Variants in ANXA2 observed in about 807,000 individuals in gnomAD.
The protein encoded by ANXA2 is annexin II.
Under a neutral mutation model 47.3 loss-of-function variants are expected in ANXA2, and 28 were observed. The ratio of observed to expected loss-of-function variants is 0.59; its 90% CI spans 0.44 to 0.81. The LOEUF is 0.81. ANXA2 is among the 40% of genes least tolerant of loss of function. The probability of loss-of-function intolerance (pLI) is 0.00; values close to 1 mark genes in which losing one functional copy is unlikely to be tolerated. For missense variants in ANXA2, 384 were observed against 414.3 expected (o/e 0.93, Z 0.64); for synonymous variants, 172 against 155.5 (o/e 1.11, Z -0.79).
intron 6 of ANXA2, among the ~76,000 whole-genome samples, chr15:60,356,314 G>C (rs2062428763): frequency 6.6e-6 from 1 of 151,838 alleles, no homozygotes; most frequent in Admixed American, 6.6e-5. Context: ...GTGAGTACTT[G>C]TTCTGAACAT....
chr15:60,377,639 A>G (rs1338355089), intron 3 of ANXA2, among the ~76,000 whole-genome samples: 1 of 152,236 alleles, frequency 6.6e-6, no homozygotes, highest in African/African-American at 2.4e-5. Context: ...TTTTATTTCT[A>G]AAAAATGCTG....
intron 1 of ANXA2, among the ~76,000 whole-genome samples, chr15:60,388,929 T>A (rs2062970331): frequency 6.7e-6 from 1 of 148,206 alleles, no homozygotes; most frequent in South Asian, 2.2e-4. Context: ...GTAGAGATAA[T>A]GTCGCGTTAC....
chr15:60,354,711 G>C (rs964142815), intron 7 of ANXA2, among the ~76,000 whole-genome samples: 1 of 151,922 alleles, frequency 6.6e-6, no homozygotes, highest in African/African-American at 2.4e-5. Context: ...CAAGGAAGTG[G>C]GGGCTGTGCC....
At chr15:60,386,655 C>T (rs1279638880) in intron 1 of ANXA2, 1 of 152,306 alleles carries the variant, frequency 6.6e-6, no homozygotes, top group East Asian at 1.9e-4. Context: ...GATTTTCTGA[C>T]CTTAACTCAT....
rs186134851 is a variant in ANXA2 at position 60,352,088 on chromosome 15, C to T, written c.683-269G>A. Among the ~76,000 whole-genome samples, 2 of 152,234 alleles carry T rather than the reference C, an allele frequency of 1.3e-5. No homozygotes were observed. The highest frequency in any genetic ancestry group is 3.9e-4 in the East Asian group (2 of 5,182). On this transcript the variant is annotated intron_variant, in intron 9 of 12. Transcript: ENST00000451270. The surrounding 1 kb of genome is among the most constrained non-coding windows in gnomAD (Gnocchi z 4.2). ...GAGTGGAACCCATTCCATCCGAAAA[C>T]CATAGGAAACAGTACAGAGCATGCA... is the stretch of plus-strand genomic sequence containing the variant.
At chr15:60,388,736 T>G (rs931229293) in intron 1 of ANXA2, among the ~76,000 whole-genome samples, 1 of 134,662 alleles carries the variant, frequency 7.4e-6, no homozygotes, top group South Asian at 2.4e-4. Context: ...CACCTAGACC[T>G]TTTTTTTTTT....
At chr15:60,359,807 A>ATGGT (rs144846285) in intron 5 of ANXA2, among the ~76,000 whole-genome samples, 2,191 of 152,244 alleles carry the variant, frequency 0.014, 24 homozygotes, top group Middle Eastern at 0.037. Flanking sequence ...ATCAAGACCA[A>ATGGT]TGGTTTCCCT....
At chr15:60,369,565 G>C (rs2062685106) in intron 3 of ANXA2, among the ~76,000 whole-genome samples, 1 of 152,222 alleles carries the variant, frequency 6.6e-6, no homozygotes, top group Non-Finnish European at 1.5e-5. Context: ...CAAAGTCTGT[G>C]TTTGGGTCAG....
intron 3 of ANXA2, among the ~76,000 whole-genome samples, chr15:60,366,705 G>A (rs1344803778): frequency 1.3e-4 from 15 of 118,746 alleles, no homozygotes; most frequent in Admixed American, 2.5e-4. Flanking sequence ...CCGGCCAGCC[G>A]CCCCGTCCGG....
At chr15:60,374,436 G>A in intron 3 of ANXA2, 1 of 455,684 alleles carries the variant, frequency 2.2e-6, no homozygotes, top group Non-Finnish European at 4.4e-6. Flanking sequence ...AACCAACGCA[G>A]CCACCCTTAA....
At chr15:60,377,615 A>G (rs557991209) in intron 3 of ANXA2, among the ~76,000 whole-genome samples, 3 of 152,290 alleles carry the variant, frequency 2.0e-5, no homozygotes, top group Non-Finnish European at 4.4e-5. Context: ...CACATAACTA[A>G]ATTTAAAAAA....
chr15:60,395,528 T>C (rs1311344649), intron 1 of ANXA2: 2 of 152,152 alleles, frequency 1.3e-5, no homozygotes, highest in Non-Finnish European at 2.9e-5. Context: ...CCCAGTGGTG[T>C]AGGAAGAGCC....
intron 5 of ANXA2, among the ~76,000 whole-genome samples, chr15:60,360,075 G>A (rs916026694): frequency 6.6e-6 from 1 of 152,170 alleles, no homozygotes; most frequent in Admixed American, 6.5e-5. Context: ...TGACCAACAT[G>A]GAGAAATCCC....
Position 60,368,812 on chromosome 15 carries a change from A to G in ANXA2, c.149-4289T>C, listed in dbSNP as rs190238921. ...GGCAGTCATTGCTCCAGAATCGACT[A>G]GTGACTTCACTTCAAGAGAGTCCCT... On this transcript the variant is annotated intron_variant, in intron 3 of 12. Coordinates refer to ENST00000451270, the MANE Select transcript of ANXA2 (RefSeq NM_004039.3). 2.6e-3 allele frequency among the ~76,000 whole-genome samples: 392 copies of G among 152,326 alleles called. 1 individual carries two copies. Among genetic ancestry groups the G allele is most frequent in the Non-Finnish European group, 4.3e-3 (290 of 68,024 alleles).
At chr15:60,381,257 A>G (rs2062854090) in intron 3 of ANXA2, among the ~76,000 whole-genome samples, 1 of 152,224 alleles carries the variant, frequency 6.6e-6, no homozygotes, top group South Asian at 2.1e-4. Context: ...TACATAGAAG[A>G]GAAAAATGTG....
chr15:60,364,471 CTG>C lies in ANXA2; in HGVS notation c.199_200del (p.Gln67GlufsTer43). 1 of 1,613,482 alleles carries C rather than the reference CTG, an allele frequency of 6.2e-7. No individual in the cohort carries two copies. Among genetic ancestry groups the C allele is most frequent in the Non-Finnish European group, 8.5e-7 (1 of 1,179,846 alleles). On this transcript the variant is annotated frameshift_variant, in exon 4 of 13. Transcript: ENST00000451270. LOFTEE classifies it high-confidence loss of function. Reference protein sequence around the residue: ...VNILTNRSNAQRQDIAFAYQR... With the variant: ...VNILTNRSNAXRQDIAFAYQR... ...GGTAGGCGAAGGCAATATCCTGTCT[CTG>C]TGCATTGCTGCGGTTGGTCAAAATG...
intron 1 of ANXA2, among the ~76,000 whole-genome samples, chr15:60,390,030 T>C (rs766773834): frequency 6.6e-6 from 1 of 152,212 alleles, no homozygotes; most frequent in Non-Finnish European, 1.5e-5. Flanking sequence ...ATGGTTGACC[T>C]CATCTTCCCT....
At chr15:60,395,851 T>C (rs1279769484) in intron 1 of ANXA2, 1 of 152,200 alleles carries the variant, frequency 6.6e-6, no homozygotes, top group Non-Finnish European at 1.5e-5. Context: ...AAAATGCACA[T>C]ACATGTCACA....
chr15:60,349,411 T>G (rs979183370), intron 11 of ANXA2, among the ~76,000 whole-genome samples: 26 of 152,202 alleles, frequency 1.7e-4, no homozygotes, highest in African/African-American at 5.8e-4. Flanking sequence ...AAGCGTTGTA[T>G]AAAATTACCT....
Sources: allele counts gnomAD v4.1 joint callset (sites outside exome capture counted in the v4.1 genomes callset), GRCh38; gene constraint gnomAD v4.1.1; non-coding constraint Gnocchi (gnomAD v3.1); transcripts MANE v1.5; gene names NCBI Gene and HGNC (gene_info 2026-07-23, HGNC 2026-07-21).